The following NLGN1 variants were observed in gnomAD, a reference collection of about 807,000 sequenced individuals.
NLGN1 encodes the protein neuroligin-1.
A neutral mutation model predicts 65.5 loss-of-function variants in NLGN1; 12 were observed. The ratio of observed to expected loss-of-function variants is 0.18; its 90% CI spans 0.12 to 0.30. The LOEUF (loss-of-function observed/expected upper bound fraction) is 0.30. Among genes scored for constraint, NLGN1 ranks in the 10% least tolerant of loss-of-function variants. NLGN1 has a pLI of 1.00. For synonymous variants in NLGN1, 350 were observed against 359.5 expected (o/e 0.97, Z 0.30); for missense variants, 750 against 1,007.1 (o/e 0.74, Z 3.46).
At chr3:173,455,676 AAAC>A (rs1722389824) in intron 2 of NLGN1, among the ~76,000 whole-genome samples, 3 of 152,190 alleles carry the variant, frequency 2.0e-5, no homozygotes, top group African/African-American at 7.2e-5. Flanking sequence ...ATAATAAAGC[AAAC>A]AACAATAAAA....
chr3:173,722,878 CAGAA>C (rs1231982697), intron 3 of NLGN1, among the ~76,000 whole-genome samples: 1 of 151,858 alleles, frequency 6.6e-6, no homozygotes, highest in African/African-American at 2.4e-5. Context: ...CAATGAAAGA[CAGAA>C]AGACAATAAA....
chr3:173,968,901 A>C (rs1011273333), intron 4 of NLGN1, among the ~76,000 whole-genome samples: 1 of 151,258 alleles, frequency 6.6e-6, no homozygotes, highest in Non-Finnish European at 1.5e-5. Context: ...GGGTTTTACC[A>C]TGTTGGCCAG....
intron 4 of NLGN1, among the ~76,000 whole-genome samples, chr3:174,097,717 A>T (rs1424598216): frequency 6.6e-6 from 1 of 152,216 alleles, no homozygotes; most frequent in Admixed American, 6.5e-5. Context: ...TCCAGTTTAC[A>T]AAGAAAGTGG....
intron 4 of NLGN1, among the ~76,000 whole-genome samples, chr3:174,141,318 T>C (rs1213696172): frequency 6.6e-5 from 10 of 152,018 alleles, no homozygotes; most frequent in Non-Finnish European, 1.5e-4. Flanking sequence ...TGAGAGGAGG[T>C]TGCTGAAGTG....
intron 3 of NLGN1, among the ~76,000 whole-genome samples, chr3:173,804,905 A>G (rs1716308029): frequency 6.6e-6 from 1 of 152,108 alleles, no homozygotes; most frequent in African/African-American, 2.4e-5. Context: ...AGGCGCCTGT[A>G]ATCCCAACTA....
intron 4 of NLGN1, among the ~76,000 whole-genome samples, chr3:173,950,223 A>G (rs999369525): frequency 2.0e-5 from 3 of 152,192 alleles, no homozygotes. Context: ...GTTTCTGTGA[A>G]TGTAAAACTT....
chr3:174,132,002 T>A (rs1458065146), intron 4 of NLGN1, among the ~76,000 whole-genome samples: 1 of 152,214 alleles, frequency 6.6e-6, no homozygotes, highest in Non-Finnish European at 1.5e-5. Context: ...CCTTGTTTCA[T>A]CTGCCTTGGA....
intron 3 of NLGN1, among the ~76,000 whole-genome samples, chr3:173,766,169 A>T (rs1165666488): frequency 1.3e-5 from 2 of 151,182 alleles, no homozygotes; most frequent in African/African-American, 2.4e-5. Context: ...GCTCACTGCA[A>T]CCTCTGCCTC....
chr3:173,756,637 ATTAATAGGAAACAGAACTTC>A (rs1305879911), intron 3 of NLGN1, among the ~76,000 whole-genome samples: 1 of 151,584 alleles, frequency 6.6e-6, no homozygotes, highest in Non-Finnish European at 1.5e-5. Flanking sequence ...ACCATTTCCC[ATTAATAGGAAACAGAACTTC>A]TTACAAAAAT....
intron 4 of NLGN1, among the ~76,000 whole-genome samples, chr3:173,820,232 A>G (rs1478897860): frequency 6.6e-6 from 1 of 151,450 alleles, no homozygotes; most frequent in East Asian, 1.9e-4. Flanking sequence ...CTTTACCTCA[A>G]TACCAGTGGC....
In NLGN1 at chr3:173,419,794, C is replaced by A. The variant is rs78882963; in HGVS notation, c.-389-15216C>A. 6.8e-3 allele frequency among the ~76,000 whole-genome samples: 1,040 copies of A among 151,990 alleles called. 20 individuals are homozygous for A. The highest frequency in any genetic ancestry group is 0.024 in the African/African-American group (981 of 41,434). On this transcript the variant is annotated intron_variant, in intron 1 of 6. Coordinates refer to ENST00000457714, the Ensembl canonical transcript of NLGN1. ...GACCATCCTGGCCAACATGGTGAAA[C>A]CCCATCTCTATCTGGTAAAAATACA...
chr3:173,435,325 AC>A (rs1717919807), intron 2 of NLGN1, among the ~76,000 whole-genome samples: 1 of 151,798 alleles, frequency 6.6e-6, no homozygotes, highest in South Asian at 2.1e-4. Flanking sequence ...TTCTCCTTCT[AC>A]CCCCATAACC....
At chr3:174,286,541 A>T (rs934919066) in exon 7 of NLGN1, 2 of 151,536 alleles carry the variant, frequency 1.3e-5, no homozygotes, top group Non-Finnish European at 3.0e-5. Context: ...TGGTTTTTGT[A>T]AAAAAGACCA....
chr3:174,076,286 T>C (rs1452762614), intron 4 of NLGN1, among the ~76,000 whole-genome samples: 2 of 152,146 alleles, frequency 1.3e-5, no homozygotes, highest in Non-Finnish European at 2.9e-5. Context: ...TGAAATGTCA[T>C]ATGTTTTATA....
intron 4 of NLGN1, among the ~76,000 whole-genome samples, chr3:173,831,158 A>T (rs1722478864): frequency 1.3e-5 from 2 of 152,174 alleles, no homozygotes; most frequent in Admixed American, 1.3e-4. Context: ...CATTGTGTAT[A>T]TGTACCACAT....
At chr3:173,862,785 T>C (rs1172406944) in intron 4 of NLGN1, among the ~76,000 whole-genome samples, 2 of 152,122 alleles carry the variant, frequency 1.3e-5, no homozygotes, top group Admixed American at 1.3e-4. Flanking sequence ...ATATCCTAGA[T>C]GATTTGGTTG....
chr3:173,439,816 G>A (rs1363048872), intron 2 of NLGN1, among the ~76,000 whole-genome samples: 1 of 152,134 alleles, frequency 6.6e-6, no homozygotes. Context: ...TTGCTGGAGG[G>A]TCTTGCCTTG....
At chr3:173,692,304 A>G (rs1381142465) in intron 3 of NLGN1, among the ~76,000 whole-genome samples, 1 of 152,088 alleles carries the variant, frequency 6.6e-6, no homozygotes, top group Non-Finnish European at 1.5e-5. Flanking sequence ...AAAAGCAGTA[A>G]ACTTTAAACC....
chr3:174,084,109 A>AT (rs1742802435), intron 4 of NLGN1, among the ~76,000 whole-genome samples: 1 of 152,180 alleles, frequency 6.6e-6, no homozygotes, highest in Non-Finnish European at 1.5e-5. Context: ...TTTTTAAAGA[A>AT]TTTTTTTAAC....
Sources: gnomAD v4.1 joint callset for allele counts (sites outside exome capture counted in the v4.1 genomes callset) on GRCh38, gnomAD v4.1.1 for gene constraint, MANE v1.5 for transcripts, NCBI Gene and HGNC (gene_info 2026-07-23, HGNC 2026-07-21) for gene names.